The following ARHGAP17 variants were observed in gnomAD, a reference collection of about 807,000 sequenced individuals.
ARHGAP17 encodes the protein rho GTPase-activating protein 17.
Under a neutral mutation model 99.5 loss-of-function variants are expected in ARHGAP17, and 57 were observed. The ratio of observed to expected loss-of-function variants is 0.57; its 90% CI spans 0.46 to 0.71. The LOEUF (loss-of-function observed/expected upper bound fraction) is 0.71. Among genes scored for constraint, ARHGAP17 ranks in the 30% least tolerant of loss-of-function variants. The probability of loss-of-function intolerance (pLI) is 0.00; values close to 1 mark genes in which losing one functional copy is unlikely to be tolerated. For missense variants in ARHGAP17, 1,000 were observed against 1,122.4 expected (o/e 0.89, Z 1.56); for synonymous variants, 417 against 429.6 (o/e 0.97, Z 0.36).
At chr16:24,948,730 C>G (rs13333459) in intron 13 of ARHGAP17, among the ~76,000 whole-genome samples, 17,960 of 151,580 alleles carry the variant, frequency 0.12, 3,183 homozygotes, top group African/African-American at 0.39. Context: ...CACCTGTAAA[C>G]TATTCTGACT....
chr16:24,938,053 T>C (rs570695768), intron 17 of ARHGAP17, among the ~76,000 whole-genome samples: 1 of 152,226 alleles, frequency 6.6e-6, no homozygotes, highest in East Asian at 1.9e-4. Context: ...ACTGAATTAA[T>C]GTCAATTAAA....
intron 7 of ARHGAP17, among the ~76,000 whole-genome samples, chr16:24,962,691 G>A (rs2052047087): frequency 6.6e-6 from 1 of 152,076 alleles, no homozygotes; most frequent in African/African-American, 2.4e-5. Flanking sequence ...ACCACAAGCA[G>A]ACACCTACCA....
intron 5 of ARHGAP17, 103 bp downstream of exon 5, chr16:24,968,558 A>C: frequency 6.6e-7 from 1 of 1,509,994 alleles, no homozygotes; most frequent in Middle Eastern, 1.7e-4. Context: ...TATTTCCAAA[A>C]AGAAGTGTAT....
At chr16:24,980,603 C>G (rs985824665) in intron 1 of ARHGAP17, among the ~76,000 whole-genome samples, 1 of 152,102 alleles carries the variant, frequency 6.6e-6, no homozygotes, top group Non-Finnish European at 1.5e-5. Flanking sequence ...GGTAGTCATA[C>G]CAGTTAGGGA....
rs757500687 is a variant in ARHGAP17, at chr16:24,931,064, A to C, written c.2235T>G (p.His745Gln). 6.2e-7 allele frequency: 1 copy of C among 1,606,576 alleles called. No homozygotes were observed. The highest frequency in any genetic ancestry group is 8.5e-7 in the Non-Finnish European group (1 of 1,176,312). Residue 745 changes from histidine to glutamine, a missense_variant, in exon 19 of 20, where the codon CAT (histidine) becomes CAG (glutamine). This residue lies in a region of ARHGAP17 where 528 missense variants were observed against 511.4 expected (regional missense o/e 1.03). Coordinates refer to ENST00000289968, the MANE Select transcript of ARHGAP17 (RefSeq NM_001006634.3). ...GGGTGTGAGATGGCTGCTCAAGTCC[A>C]TGCTCACTGGGCAATGCCATGGGGT... ...PPNPMALPSE[H>Q]GLEQPSHTPP...
intron 19 of ARHGAP17, among the ~76,000 whole-genome samples, chr16:24,927,018 C>G (rs1025035472): frequency 6.6e-6 from 1 of 152,106 alleles, no homozygotes; most frequent in Non-Finnish European, 1.5e-5. Context: ...CACCTATAAT[C>G]CCAGCACTTT....
chr16:24,927,149 T>C (rs1007562787), intron 19 of ARHGAP17, among the ~76,000 whole-genome samples: 3 of 152,156 alleles, frequency 2.0e-5, no homozygotes, highest in African/African-American at 2.4e-5. Context: ...CAGGCGCCTA[T>C]AATCCCAGGT....
chr16:24,959,689 C>G lies in ARHGAP17; in HGVS notation c.706G>C (p.Glu236Gln). The stretch of plus-strand genomic sequence containing the variant: ...ACATTACCTTGATGGGCTCGCATTT[C>G]GGGGAGGGTCTTTTCTAAGACTGCT... ...ALAVLEKTLP[E>Q]MRAHQDKWAE... The change falls in exon 9 of 20, where the codon GAA becomes CAA. Residue 236 changes from glutamate (E) to glutamine (Q), a missense_variant. By Grantham distance (29) the Glu-to-Gln change is conservative. Coordinates refer to ENST00000289968, the MANE Select transcript of ARHGAP17 (RefSeq NM_001006634.3). The G allele has an allele frequency of 1.2e-6, 2 of 1,613,998 alleles. No homozygotes were observed. The highest frequency in any genetic ancestry group is 2.2e-5 in the South Asian group (2 of 91,060).
chr16:24,978,221 C>T (rs980724007), intron 2 of ARHGAP17, among the ~76,000 whole-genome samples: 7 of 152,152 alleles, frequency 4.6e-5, no homozygotes, highest in African/African-American at 1.7e-4. Flanking sequence ...ATTTTGATTC[C>T]AATTTCCACT....
intron 19 of ARHGAP17, among the ~76,000 whole-genome samples, chr16:24,929,960 A>C (rs1265693524): frequency 3.3e-5 from 5 of 152,198 alleles, no homozygotes; most frequent in African/African-American, 1.2e-4. Context: ...GGCTGCTGTA[A>C]GAAATTATTT....
At chr16:24,952,881 G>A (rs1452665450) in intron 11 of ARHGAP17, 50 bp downstream of exon 11, 12 of 1,555,520 alleles carry the variant, frequency 7.7e-6, no homozygotes, top group Non-Finnish European at 9.7e-6. Context: ...GACAGAACCT[G>A]CCCACCGCCT....
intron 19 of ARHGAP17, chr16:24,927,766 A>G: frequency 1.0e-6 from 1 of 977,324 alleles, no homozygotes; most frequent in South Asian, 1.6e-5. Flanking sequence ...AAATTAGAAT[A>G]CTCTTTGCTA....
At chr16:24,925,662 T>C (rs1193219861) in intron 19 of ARHGAP17, among the ~76,000 whole-genome samples, 1 of 152,194 alleles carries the variant, frequency 6.6e-6, no homozygotes, top group Admixed American at 6.6e-5. Context: ...ATACATCTGG[T>C]TGATGAAACA....
chr16:24,967,169 T>C (rs1490896466), intron 6 of ARHGAP17, among the ~76,000 whole-genome samples: 1 of 152,278 alleles, frequency 6.6e-6, no homozygotes, highest in Non-Finnish European at 1.5e-5. Context: ...GTCTTCACCA[T>C]GTGTGAATTC....
Position 24,920,112 on chromosome 16 carries a change from G to A in ARHGAP17, c.*18C>T, listed in dbSNP as rs201946818. ...CTCGCCAGGGTGGAAGTGGTGGAGG[G>A]CTGGGAAAGGGCTTTCTTCACAGGG... On this transcript the variant is annotated 3_prime_UTR_variant, in exon 20 of 20. Coordinates refer to ENST00000289968, the MANE Select transcript of ARHGAP17 (RefSeq NM_001006634.3). 1.6e-5 allele frequency: 26 copies of A among 1,610,182 alleles called. No homozygotes were observed. In the African/African-American group the frequency reaches 3.3e-4, roughly 21 times the overall value.
chr16:24,923,911 G>A (rs1440945828), intron 19 of ARHGAP17, among the ~76,000 whole-genome samples: 1 of 151,962 alleles, frequency 6.6e-6, no homozygotes, highest in Non-Finnish European at 1.5e-5. Flanking sequence ...GCTAGAAGTG[G>A]AATGTTATCA....
At chr16:24,952,901 C>A (rs762288204) in intron 11 of ARHGAP17, 30 bp downstream of exon 11, 1 of 1,604,430 alleles carries the variant, frequency 6.2e-7, no homozygotes, top group South Asian at 1.1e-5. Context: ...TTGAGGGTGA[C>A]TTGATTTGCA....
At chr16:25,007,471 T>TC (rs2053537722) in intron 1 of ARHGAP17, among the ~76,000 whole-genome samples, 1 of 152,136 alleles carries the variant, frequency 6.6e-6, no homozygotes, top group African/African-American at 2.4e-5. Flanking sequence ...GCTCAAGCGA[T>TC]CCTCCCACCT....
chr16:24,968,730 A>G lies in ARHGAP17; in HGVS notation c.315T>C (p.Ala105=), dbSNP rs768467418. Residue 105 remains alanine (A), a synonymous_variant, in exon 5 of 20, where the codon GCT becomes GCC. Coordinates refer to ENST00000289968, the MANE Select transcript of ARHGAP17 (RefSeq NM_001006634.3). The stretch of plus-strand genomic sequence containing the variant: ...AGACTTCGTGCTGGGAGAGCTCGAG[A>G]GCCAGCTGATTCTCAGCATCTCCAC... ...ETCGDAENQL[A]LELSQHEVFV... 35 of 1,614,104 alleles carry G rather than the reference A, an allele frequency of 2.2e-5. No homozygotes were observed. The highest frequency in any genetic ancestry group is 2.7e-5 in the Non-Finnish European group (32 of 1,180,044).
Sources: gnomAD v4.1 joint callset for allele counts (sites outside exome capture counted in the v4.1 genomes callset) on GRCh38, gnomAD v4.1.1 for gene constraint, gnomAD v4.1.1 regional missense constraint, MANE v1.5 for transcripts, NCBI Gene and HGNC (gene_info 2026-07-23, HGNC 2026-07-21) for gene names.